The following SLC12A7 variants were observed in gnomAD, a reference collection of about 807,000 sequenced individuals.
SLC12A7 encodes the protein solute carrier family 12 member 7.
A neutral mutation model predicts 120.6 loss-of-function variants in SLC12A7; 100 were observed. The observed-to-expected ratio is 0.83, with a 90% CI of 0.71 to 0.98. The LOEUF (loss-of-function observed/expected upper bound fraction) is 0.98, where lower values mean the gene tolerates loss of function less well. Among genes scored for constraint, SLC12A7 ranks in the 50% least tolerant of loss-of-function variants. The probability of loss-of-function intolerance (pLI) is 0.00; values close to 1 mark genes in which losing one functional copy is unlikely to be tolerated. For missense variants in SLC12A7, 1,373 were observed against 1,548.1 expected, an observed-to-expected ratio of 0.89 and a Z score of 1.90; for synonymous variants, 760 against 678.0, an observed-to-expected ratio of 1.12 and a Z score of -1.88.
chr5:1,078,403 G>A (rs1738609377), intron 11 of SLC12A7: 1 of 561,382 alleles, frequency 1.8e-6, no homozygotes, highest in Non-Finnish European at 3.2e-6. Context: ...CAGCAGGGCT[G>A]AGGGATCTCC....
chr5:1,097,563 AGG>A (rs930936300), intron 1 of SLC12A7, among the ~76,000 whole-genome samples: 9 of 152,224 alleles, frequency 5.9e-5, no homozygotes, highest in African/African-American at 2.2e-4. Context: ...CTGACTGTGC[AGG>A]GCTGTGCGCC....
intron 1 of SLC12A7, among the ~76,000 whole-genome samples, chr5:1,104,920 C>T (rs1432887446): frequency 6.6e-6 from 1 of 152,134 alleles, no homozygotes; most frequent in Non-Finnish European, 1.5e-5. Context: ...GCAGCACACG[C>T]CCCTCCCCGC....
intron 22 of SLC12A7, 90 bp downstream of exon 22, chr5:1,057,381 C>T (rs1735729398): frequency 7.3e-7 from 1 of 1,377,678 alleles, no homozygotes; most frequent in African/African-American, 1.4e-5. Context: ...CCCCGAAGCT[C>T]TTCAGTGGTC....
Position 1,085,570 on chromosome 5 carries a change from C to T in SLC12A7, c.676-97G>A. 4 of 1,453,030 alleles carry T rather than the reference C, an allele frequency of 2.8e-6. No homozygotes were observed. In the South Asian group the frequency reaches 5.5e-5, roughly 20 times the overall value. The allele number at this position is 1,453,030 out of a possible 1,614,324, so 90.0% of individuals were successfully genotyped here. On this transcript the variant is annotated intron_variant, in intron 6 of 23. Transcript: ENST00000264930. ...CCCAGCGCCACACAGGGGCCTCCTCCCAACAGGTGCCGGGGCCATCGGGAC... is the reference window on the plus strand; with the variant it reads ...CCCAGCGCCACACAGGGGCCTCCTCTCAACAGGTGCCGGGGCCATCGGGAC...
chr5:1,109,381 A>G (rs1337926711), intron 1 of SLC12A7, among the ~76,000 whole-genome samples: 2 of 151,978 alleles, frequency 1.3e-5, no homozygotes, highest in East Asian at 3.9e-4. Flanking sequence ...GTGTCCTCCC[A>G]CCTCCTACTC....
At chr5:1,112,735 C>T (rs1172013762), upstream of SLC12A7, among the ~76,000 whole-genome samples, 1 of 141,696 alleles carries the variant, frequency 7.1e-6, no homozygotes, top group East Asian at 2.1e-4. Context: ...AGACCCTGGG[C>T]TCCTAGCCTG....
At chr5:1,131,936 A>G in the SLC12A7 span, among the ~76,000 whole-genome samples, 1 of 152,220 alleles carries the variant, frequency 6.6e-6, no homozygotes, top group Admixed American at 6.5e-5. Context: ...CGTTTGAACC[A>G]GAGTGACTCC....
In SLC12A7 at chr5:1,069,229, G is replaced by A. The variant is rs1021998291; in HGVS notation, c.2242-3751C>T. The stretch of plus-strand genomic sequence containing the variant: ...TCCACGTGGCCAACGTGGCGGGAGC[G>A]GCGGGGGCCATTTTTTACCTCCATG... On this transcript the variant is annotated intron_variant, in intron 17 of 23. Transcript: ENST00000264930. 4.6e-5 allele frequency among the ~76,000 whole-genome samples: 7 copies of A among 152,346 alleles called. No homozygotes were observed. In the East Asian group the frequency reaches 5.8e-4, roughly 13 times the overall value.
In SLC12A7 at chr5:1,085,406, A is replaced by T. The variant is rs1380870325; in HGVS notation, c.743T>A (p.Leu248Gln). The part of the protein sequence containing the change: ...EAAGGEAAAM[L>Q]HNMRVYGTCT... ...CGTGCCGTACACACGCATGTTGTGC[A>T]GCATGGCGGCCGCCTCGCCACCTGC... Residue 248 changes from leucine to glutamine, a missense_variant, in exon 7 of 24, where the codon CTG (leucine) becomes CAG (glutamine). Physicochemically the swap from Leu to Gln is moderately radical, Grantham distance 113 (BLOSUM62 -2). Transcript: ENST00000264930. The T allele has an allele frequency of 2.5e-6, 4 of 1,610,664 alleles. No individual in the cohort carries two copies. The highest frequency in any genetic ancestry group is 1.3e-5 in the African/African-American group (1 of 74,890).
intron 1 of SLC12A7, among the ~76,000 whole-genome samples, chr5:1,106,871 G>A (rs937031566): frequency 6.6e-6 from 1 of 152,232 alleles, no homozygotes; most frequent in African/African-American, 2.4e-5. Context: ...CAGTTGTGAT[G>A]AAACTCACAC....
Position 1,053,468 on chromosome 5 carries a change from A to AC in SLC12A7, c.3040dup (p.Val1014GlyfsTer46), listed in dbSNP as rs1225008568. The AC allele has an allele frequency of 3.7e-6, 6 of 1,613,624 alleles. No individual in the cohort carries two copies. Among genetic ancestry groups the AC allele is most frequent in the Non-Finnish European group, 5.1e-6 (6 of 1,179,988 alleles). On this transcript the variant is annotated frameshift_variant, in exon 23 of 24. Coordinates refer to ENST00000264930, the MANE Select transcript of SLC12A7 (RefSeq NM_006598.3). LOFTEE classifies it high-confidence loss of function. The stretch of plus-strand genomic sequence containing the variant: ...CTTCACAGCCGTGTGCATCCGCCTG[A>AC]CGTTGGACTGGTCCCTGCAGGGGAG...
chr5:1,078,613 G>A, intron 11 of SLC12A7, 88 bp downstream of exon 11: 1 of 1,090,982 alleles, frequency 9.2e-7, no homozygotes, highest in Non-Finnish European at 1.4e-6. Flanking sequence ...TGAAGTCCTA[G>A]GGCGATGTAA....
chr5:1,128,772 T>C, the SLC12A7 span, among the ~76,000 whole-genome samples: 16 of 152,296 alleles, frequency 1.1e-4, no homozygotes, highest in Admixed American at 9.1e-4. Context: ...CCAATGGGAG[T>C]GGCCCCAAGT....
In SLC12A7 at chr5:1,054,225, G is replaced by A. The variant is rs145616630; in HGVS notation, c.3027-743C>T. ...TGTGGCCGTCCAGCCCCCGCCTTCC[G>A]TCCTCACAACGCAGCTCTGCTCCAC... is the stretch of plus-strand genomic sequence containing the variant. On this transcript the variant is annotated intron_variant, in intron 22 of 23. Transcript: ENST00000264930. Among the ~76,000 whole-genome samples, 52 of 152,316 alleles carry A rather than the reference G, an allele frequency of 3.4e-4. No individual in the cohort carries two copies. In the East Asian group the frequency reaches 7.1e-3, roughly 21 times the overall value.
intron 23 of SLC12A7, 131 bp downstream of exon 23, chr5:1,053,218 G>A: frequency 3.3e-6 from 4 of 1,201,702 alleles, no homozygotes; most frequent in Non-Finnish European, 4.6e-6. Flanking sequence ...CCCGGTCGTA[G>A]CTCCCAGAGC....
chr5:1,094,801 T>A (rs1561094267), intron 1 of SLC12A7, among the ~76,000 whole-genome samples: 1 of 152,056 alleles, frequency 6.6e-6, no homozygotes, highest in Non-Finnish European at 1.5e-5. Flanking sequence ...GCCCACAGGC[T>A]CTCTAGGTAA....
the SLC12A7 span, among the ~76,000 whole-genome samples, chr5:1,118,938 G>T: frequency 1.3e-5 from 2 of 152,162 alleles, no homozygotes; most frequent in African/African-American, 4.8e-5. Flanking sequence ...GGCGGGAGGG[G>T]CTCACAACCC....
intron 21 of SLC12A7, among the ~76,000 whole-genome samples, chr5:1,058,868 C>T (rs908008482): frequency 2.9e-5 from 4 of 136,660 alleles, no homozygotes; most frequent in African/African-American, 1.1e-4. Context: ...GTCCACCCAG[C>T]GTCTGCACAG....
Position 1,060,455 on chromosome 5 carries a change from G to T in SLC12A7, c.2740-4C>A, listed in dbSNP as rs767743592. 19 of 1,609,500 alleles carry T rather than the reference G, an allele frequency of 1.2e-5. 1 individual carries two copies. In the Admixed American group the frequency reaches 3.2e-4, roughly 27 times the overall value. ...AAGCAGATATGTCGTTTTCAACCTA[G>T]AAAGTTCCCAAGCACGTAGTAAGCC... On this transcript the variant is annotated splice_polypyrimidine_tract_variant and splice_region_variant and intron_variant, in intron 20 of 23. Transcript: ENST00000264930.
Sources: allele counts gnomAD v4.1 joint callset (sites outside exome capture counted in the v4.1 genomes callset), GRCh38; gene constraint gnomAD v4.1.1; transcripts MANE v1.5; gene names NCBI Gene and HGNC (gene_info 2026-07-23, HGNC 2026-07-21).